Variants in RPS6KC1 observed in about 807,000 individuals in gnomAD.
The protein encoded by RPS6KC1 is inactive ribosomal protein S6 kinase delta-1.
Under a neutral mutation model 103.8 loss-of-function variants are expected in RPS6KC1, and 54 were observed. The observed-to-expected ratio is 0.52, with a 90% CI of 0.42 to 0.65. The LOEUF (loss-of-function observed/expected upper bound fraction) is 0.65, where lower values mean the gene tolerates loss of function less well. Ranked by LOEUF, RPS6KC1 falls within the 30% of genes least tolerant of loss-of-function variation. The pLI is 0.00. For synonymous variants in RPS6KC1, 439 were observed against 438.7 expected, an observed-to-expected ratio of 1.00 and a Z score of -0.01; for missense variants, 1,151 against 1,253.8, an observed-to-expected ratio of 0.92 and a Z score of 1.24.
chr1:213,194,380 T>C (rs539089828), intron 8 of RPS6KC1, among the ~76,000 whole-genome samples: 1 of 152,356 alleles, frequency 6.6e-6, no homozygotes, highest in Non-Finnish European at 1.5e-5. Context: ...TTTCCTTTTT[T>C]CCTTCCTTCC....
At chr1:213,357,605 G>A in the RPS6KC1 span, among the ~76,000 whole-genome samples, 4 of 152,228 alleles carry the variant, frequency 2.6e-5, no homozygotes, top group Non-Finnish European at 4.4e-5. Flanking sequence ...TAGAGTGCAG[G>A]CCACTGGCTC....
chr1:213,669,609 T>C, the RPS6KC1 span, among the ~76,000 whole-genome samples: 1 of 152,178 alleles, frequency 6.6e-6, no homozygotes, highest in Non-Finnish European at 1.5e-5. Flanking sequence ...TAGACTTGTT[T>C]GGTGCGGTTG....
chr1:213,726,592 T>TA, the RPS6KC1 span, among the ~76,000 whole-genome samples: 2,357 of 152,256 alleles, frequency 0.015, 56 homozygotes, highest in African/African-American at 0.054. Flanking sequence ...AACTAAGTAA[T>TA]AAAAAAATTT....
At chr1:213,070,922 A>G in intron 1 of RPS6KC1, 84 bp from the exon 2 acceptor site, 1 of 840,344 alleles carries the variant, frequency 1.2e-6, no homozygotes, top group Non-Finnish European at 1.9e-6. Flanking sequence ...TTTTTCATAC[A>G]AATACTATTG....
At chr1:213,407,167 A>G in the RPS6KC1 span, among the ~76,000 whole-genome samples, 4 of 151,702 alleles carry the variant, frequency 2.6e-5, no homozygotes, top group Admixed American at 6.6e-5. Flanking sequence ...TTCTCACTGG[A>G]TTTGGGACTT....
chr1:213,445,590 C>T, the RPS6KC1 span, among the ~76,000 whole-genome samples: 1 of 152,144 alleles, frequency 6.6e-6, no homozygotes, highest in African/African-American at 2.4e-5. Context: ...AGGAAGCACA[C>T]AGCAGGGTCA....
At chr1:213,777,462 G>A in the RPS6KC1 span, among the ~76,000 whole-genome samples, 18 of 152,208 alleles carry the variant, frequency 1.2e-4, no homozygotes, top group Admixed American at 1.0e-3. Flanking sequence ...CACACTTATC[G>A]ATTAAATTTG....
In RPS6KC1 at chr1:213,235,746, C is replaced by T. The variant is rs139472163; in HGVS notation, c.1225+3491C>T. Among the ~76,000 whole-genome samples the T allele has an allele frequency of 5.9e-5, 9 of 152,154 alleles. No homozygotes were observed. In the East Asian group the frequency reaches 1.7e-3, roughly 29 times the overall value. ...GGCAGATCCTGTATAGCATTGTAGG[C>T]CACGTTAAGAACTGGACTTTTATTC... is the stretch of plus-strand genomic sequence containing the variant. On this transcript the variant is annotated intron_variant, in intron 10 of 14. Coordinates refer to ENST00000366960, the MANE Select transcript of RPS6KC1 (RefSeq NM_012424.6).
chr1:213,358,454 G>A, the RPS6KC1 span, among the ~76,000 whole-genome samples: 1 of 152,170 alleles, frequency 6.6e-6, no homozygotes, highest in Non-Finnish European at 1.5e-5. Flanking sequence ...ATGGTAGTTT[G>A]TGTTTCTGTG....
At chr1:213,168,010 AT>A in intron 7 of RPS6KC1, 37 bp downstream of exon 7, 1 of 1,382,160 alleles carries the variant, frequency 7.2e-7, no homozygotes, top group South Asian at 1.2e-5. Flanking sequence ...TTCTTCAGTG[AT>A]TTTTTGCTGT....
the RPS6KC1 span, among the ~76,000 whole-genome samples, chr1:213,732,671 G>A: frequency 6.6e-6 from 1 of 152,154 alleles, no homozygotes; most frequent in Non-Finnish European, 1.5e-5. Context: ...GGGATAGTGG[G>A]AGTAGTTGAT....
the RPS6KC1 span, among the ~76,000 whole-genome samples, chr1:213,571,049 T>G: frequency 6.6e-6 from 1 of 152,242 alleles, no homozygotes; most frequent in African/African-American, 2.4e-5. Context: ...TTATAGGTTT[T>G]TGGTTTAATA....
At chr1:213,305,944 T>C in the RPS6KC1 span, among the ~76,000 whole-genome samples, 1 of 152,256 alleles carries the variant, frequency 6.6e-6, no homozygotes, top group Middle Eastern at 3.4e-3. Flanking sequence ...AGGTACTCCA[T>C]TACAAGTGAC....
At chr1:213,673,837 A>T in the RPS6KC1 span, among the ~76,000 whole-genome samples, 1 of 151,560 alleles carries the variant, frequency 6.6e-6, no homozygotes, top group Non-Finnish European at 1.5e-5. Flanking sequence ...TTTTTTAGTC[A>T]TTTCAATTTG....
At chr1:213,735,995 T>C in the RPS6KC1 span, among the ~76,000 whole-genome samples, 6 of 152,208 alleles carry the variant, frequency 3.9e-5, no homozygotes, top group South Asian at 2.1e-4. Flanking sequence ...GGGCCAGAGG[T>C]TGGCCTTAAC....
the RPS6KC1 span, among the ~76,000 whole-genome samples, chr1:213,382,765 G>C: frequency 6.6e-6 from 1 of 152,122 alleles, no homozygotes; most frequent in Non-Finnish European, 1.5e-5. Flanking sequence ...CATTTTCATC[G>C]CTGTGCTGGA....
At chr1:213,408,130 T>G in the RPS6KC1 span, among the ~76,000 whole-genome samples, 1 of 152,230 alleles carries the variant, frequency 6.6e-6, no homozygotes, top group African/African-American at 2.4e-5. Context: ...CCTGGCTCTC[T>G]CTTAAACTTG....
intron 14 of RPS6KC1, among the ~76,000 whole-genome samples, chr1:213,267,876 T>C (rs2094947837): frequency 1.3e-5 from 2 of 151,532 alleles, no homozygotes; most frequent in African/African-American, 4.8e-5. Flanking sequence ...ATAGAAATTA[T>C]TGAATCAGAA....
the RPS6KC1 span, among the ~76,000 whole-genome samples, chr1:213,462,833 C>T: frequency 1.4e-4 from 21 of 152,270 alleles, no homozygotes; most frequent in Admixed American, 4.6e-4. Flanking sequence ...CAAACCACCA[C>T]GGCACGTGTA....
Sources: gnomAD v4.1 joint callset for allele counts (sites outside exome capture counted in the v4.1 genomes callset) on GRCh38, gnomAD v4.1.1 for gene constraint, MANE v1.5 for transcripts, NCBI Gene and HGNC (gene_info 2026-07-23, HGNC 2026-07-21) for gene names.